MGA: variants seen among roughly 807,000 people sequenced by gnomAD.
The protein encoded by MGA is MAX gene-associated protein.
In MGA, 40 loss-of-function variants were observed where a neutral mutation model predicts 261.1. The observed-to-expected ratio is 0.15, with a 90% CI of 0.12 to 0.20. MGA has a LOEUF of 0.20. Ranked by LOEUF, MGA falls within the 10% of genes least tolerant of loss-of-function variation. The pLI, the probability that MGA is intolerant of heterozygous loss-of-function variation, is 1.00. For synonymous variants in MGA, 1,302 were observed against 1,290.6 expected (o/e 1.01, Z -0.19); for missense variants, 3,397 against 3,630.5 (o/e 0.94, Z 1.65).
chr15:41,709,122 G>C (rs1007908695), intron 7 of MGA, among the ~76,000 whole-genome samples: 1 of 152,030 alleles, frequency 6.6e-6, no homozygotes, highest in Non-Finnish European at 1.5e-5. Flanking sequence ...CGAAGCAAGC[G>C]GATTGCCTGA....
At chr15:41,720,525 ATGT>A (rs1041075827) in intron 9 of MGA, among the ~76,000 whole-genome samples, 15 of 152,062 alleles carry the variant, frequency 9.9e-5, no homozygotes, top group Non-Finnish European at 1.6e-4. Flanking sequence ...ACAGAGTGAG[ATGT>A]TGTCTCAAAA....
At chr15:41,638,569 G>A (rs1242588453) in intron 1 of MGA, among the ~76,000 whole-genome samples, 1 of 151,232 alleles carries the variant, frequency 6.6e-6, no homozygotes. Context: ...GTCTTCCTAT[G>A]TTTCCCAGGG....
chr15:41,679,436 A>G (rs116838809), intron 2 of MGA, among the ~76,000 whole-genome samples: 2,170 of 152,276 alleles, frequency 0.014, 59 homozygotes, highest in African/African-American at 0.05. Flanking sequence ...CTTCCTATTC[A>G]TGAACATGGG....
intron 18 of MGA, among the ~76,000 whole-genome samples, chr15:41,757,192 A>T (rs952128219): frequency 6.6e-6 from 1 of 152,176 alleles, no homozygotes; most frequent in African/African-American, 2.4e-5. Context: ...GGATGGGAAG[A>T]CCAAGTTTAT....
intron 2 of MGA, among the ~76,000 whole-genome samples, chr15:41,680,357 A>G (rs2058602140): frequency 6.6e-6 from 1 of 152,160 alleles, no homozygotes; most frequent in Non-Finnish European, 1.5e-5. Flanking sequence ...GTTGCCTTAC[A>G]ATTTAAAAAA....
At chr15:41,727,960 A>G (rs766604406) in intron 10 of MGA, among the ~76,000 whole-genome samples, 3 of 152,206 alleles carry the variant, frequency 2.0e-5, no homozygotes, top group Non-Finnish European at 4.4e-5. Context: ...GAAAAATCCT[A>G]TACTACGATG....
chr15:41,675,334 G>A (rs183419047), intron 2 of MGA, among the ~76,000 whole-genome samples: 3 of 151,420 alleles, frequency 2.0e-5, no homozygotes, highest in South Asian at 4.2e-4. Flanking sequence ...AGCTATTCTG[G>A]TTTCACTATC....
At chr15:41,673,534 T>G (rs2058194049) in intron 2 of MGA, among the ~76,000 whole-genome samples, 1 of 139,410 alleles carries the variant, frequency 7.2e-6, no homozygotes, top group South Asian at 2.5e-4. Context: ...GTCTTTTTCT[T>G]TCTTTCTTTT....
intron 9 of MGA, among the ~76,000 whole-genome samples, chr15:41,723,476 C>T (rs918446817): frequency 1.6e-4 from 25 of 152,148 alleles, no homozygotes; most frequent in Admixed American, 1.3e-4. Flanking sequence ...AGTGCTGTGT[C>T]TTGATCATAG....
At chr15:41,728,204 G>T (rs1347291796) in intron 10 of MGA, among the ~76,000 whole-genome samples, 1 of 152,146 alleles carries the variant, frequency 6.6e-6, no homozygotes, top group African/African-American at 2.4e-5. Context: ...GGTGGCTCAT[G>T]CCTATAATCC....
chr15:41,706,249 A>T (rs11070348), intron 5 of MGA, among the ~76,000 whole-genome samples: 16,561 of 147,332 alleles, frequency 0.11, 1,322 homozygotes, highest in Middle Eastern at 0.18. Flanking sequence ...AAAAAAAAAA[A>T]AAATGAATAA....
At chr15:41,761,608 G>A (rs2063463085) in intron 20 of MGA, 131 bp from the exon 21 acceptor site, 1 of 579,096 alleles carries the variant, frequency 1.7e-6, no homozygotes, top group Non-Finnish European at 3.0e-6. Context: ...ATCAACAATT[G>A]TTAATGGAAT....
At chr15:41,716,703 G>A (rs1411773974) in intron 9 of MGA, among the ~76,000 whole-genome samples, 1 of 152,090 alleles carries the variant, frequency 6.6e-6, no homozygotes, top group African/African-American at 2.4e-5. Flanking sequence ...ATGATTGAGT[G>A]TAACCACTAA....
At chr15:41,721,521 T>C (rs1213170384) in intron 9 of MGA, among the ~76,000 whole-genome samples, 6 of 152,104 alleles carry the variant, frequency 3.9e-5, no homozygotes, top group Non-Finnish European at 8.8e-5. Context: ...ATCCAAAATA[T>C]ATAAAGGTGT....
In MGA at chr15:41,762,287, G is replaced by T; in HGVS notation, c.7669G>T (p.Asp2557Tyr). Residue 2557 changes from aspartate (D) to tyrosine (Y), a missense_variant, in exon 22 of 24, where the codon GAT (aspartate) becomes TAT (tyrosine). Asp to Tyr is a radical substitution (Grantham distance 160). Coordinates refer to ENST00000219905, the MANE Select transcript of MGA (RefSeq NM_001164273.2). Reference sequence around the variant, plus strand: ...GGAAGGATCTTCTGCATCATCTGTAGATCTTGGACAGATGTTTATAAATAA... The same window carrying T: ...GGAAGGATCTTCTGCATCATCTGTATATCTTGGACAGATGTTTATAAATAA... The T allele has an allele frequency of 6.2e-7, 1 of 1,613,872 alleles. No homozygotes were observed. The highest frequency in any genetic ancestry group is 8.5e-7 in the Non-Finnish European group (1 of 1,179,854).
intron 1 of MGA, among the ~76,000 whole-genome samples, chr15:41,648,355 C>T (rs1376203797): frequency 2.6e-5 from 4 of 152,206 alleles, no homozygotes; most frequent in South Asian, 4.1e-4. Flanking sequence ...GTTTCATCAT[C>T]AGCCTGCTTC....
chr15:41,739,148 T>G (rs1253542212), intron 13 of MGA, among the ~76,000 whole-genome samples: 1 of 151,898 alleles, frequency 6.6e-6, no homozygotes, highest in Non-Finnish European at 1.5e-5. Context: ...AGAAAAGAAA[T>G]CAACCCCCAC....
chr15:41,763,246 C>T (rs1183291098), intron 22 of MGA, among the ~76,000 whole-genome samples: 18 of 151,206 alleles, frequency 1.2e-4, no homozygotes, highest in Admixed American at 2.6e-4. Flanking sequence ...ACTATAGGCG[C>T]CTGCCACTAC....
chr15:41,627,540 G>T (rs2056484914), intron 1 of MGA, among the ~76,000 whole-genome samples: 2 of 152,124 alleles, frequency 1.3e-5, no homozygotes, highest in Non-Finnish European at 2.9e-5. Flanking sequence ...TGATCACTTG[G>T]CTGTCAGTTT....
Sources: allele counts gnomAD v4.1 joint callset (sites outside exome capture counted in the v4.1 genomes callset), GRCh38; gene constraint gnomAD v4.1.1; transcripts MANE v1.5; gene names NCBI Gene and HGNC (gene_info 2026-07-23, HGNC 2026-07-21).